The following CLNK variants were observed in gnomAD, a reference collection of about 807,000 sequenced individuals.
The protein encoded by CLNK is cytokine dependent hematopoietic cell linker.
A neutral mutation model predicts 68.6 loss-of-function variants in CLNK; 74 were observed. The ratio of observed to expected loss-of-function variants is 1.08; its 90% confidence interval spans 0.89 to 1.31. The LOEUF is 1.31. Ranked by LOEUF, CLNK falls within the 50% of genes most tolerant of loss-of-function variation. The pLI, the probability that CLNK is intolerant of heterozygous loss-of-function variation, is 0.00. For synonymous variants in CLNK, 198 were observed against 172.2 expected, an observed-to-expected ratio of 1.15 and a Z score of -1.17; for missense variants, 553 against 515.3, an observed-to-expected ratio of 1.07 and a Z score of -0.71.
chr4:10,557,100 T>C (rs1719704215), intron 8 of CLNK, among the ~76,000 whole-genome samples: 1 of 151,050 alleles, frequency 6.6e-6, no homozygotes, highest in African/African-American at 2.4e-5. Context: ...AATAAATAAA[T>C]AAATAAATAA....
the CLNK span, among the ~76,000 whole-genome samples, chr4:10,727,266 A>G: frequency 6.9e-3 from 1,058 of 152,336 alleles, 6 homozygotes; most frequent in Non-Finnish European, 0.013. Context: ...GGACATGAGT[A>G]GGAGGTTAAA....
chr4:10,704,650 G>A, the CLNK span, among the ~76,000 whole-genome samples: 3 of 152,100 alleles, frequency 2.0e-5, no homozygotes, highest in Non-Finnish European at 2.9e-5. Flanking sequence ...GGACATGGCA[G>A]CTCTGCCCAA....
chr4:10,723,710 C>T, the CLNK span, among the ~76,000 whole-genome samples: 2 of 152,006 alleles, frequency 1.3e-5, no homozygotes, highest in African/African-American at 2.4e-5. Context: ...CATGCCTACC[C>T]CACACCATAT....
At chr4:10,691,037 A>C in the CLNK span, among the ~76,000 whole-genome samples, 1 of 152,154 alleles carries the variant, frequency 6.6e-6, no homozygotes, top group Non-Finnish European at 1.5e-5. Flanking sequence ...TGCAGAGGTG[A>C]AGTTTGAGCT....
At chr4:10,516,551 C>CT (rs11322271) in intron 15 of CLNK, among the ~76,000 whole-genome samples, 14 of 132,426 alleles carry the variant, frequency 1.1e-4, no homozygotes, top group South Asian at 2.4e-4. Context: ...AGGATTGTAG[C>CT]TTTTTTTTTT....
intron 1 of CLNK, among the ~76,000 whole-genome samples, chr4:10,682,424 A>G (rs1403511599): frequency 1.3e-5 from 2 of 152,166 alleles, no homozygotes; most frequent in Admixed American, 1.3e-4. Flanking sequence ...ATGTACTAGG[A>G]TTCAGAAAAG....
intron 4 of CLNK, among the ~76,000 whole-genome samples, chr4:10,577,584 C>T (rs912616399): frequency 6.6e-6 from 1 of 152,112 alleles, no homozygotes; most frequent in Non-Finnish European, 1.5e-5. Context: ...GAAGTTGTTA[C>T]GCACTTTTTA....
intron 16 of CLNK, among the ~76,000 whole-genome samples, chr4:10,509,152 C>T (rs1351498946): frequency 6.7e-6 from 1 of 149,320 alleles, no homozygotes; most frequent in Non-Finnish European, 1.5e-5. Context: ...ACATGGTTGG[C>T]AAGAGTTAGG....
At chr4:10,678,913 A>T (rs906438701) in intron 1 of CLNK, among the ~76,000 whole-genome samples, 1 of 152,214 alleles carries the variant, frequency 6.6e-6, no homozygotes, top group Non-Finnish European at 1.5e-5. Context: ...AGGAGGAATC[A>T]ATATCGTGAA....
chr4:10,585,608 A>T (rs1332102519), intron 3 of CLNK, among the ~76,000 whole-genome samples: 1 of 152,202 alleles, frequency 6.6e-6, no homozygotes, highest in Non-Finnish European at 1.5e-5. Flanking sequence ...TTCATTGGCC[A>T]ATTAAGCTCC....
intron 2 of CLNK, among the ~76,000 whole-genome samples, chr4:10,610,007 G>A (rs1577165318): frequency 7.9e-6 from 1 of 126,488 alleles, no homozygotes; most frequent in African/African-American, 3.2e-5. Context: ...ATTAAGCCTC[G>A]TTATGTGCCT....
At chr4:10,686,599 T>C (rs1725282991), upstream of CLNK, among the ~76,000 whole-genome samples, 2 of 150,212 alleles carry the variant, frequency 1.3e-5, no homozygotes, top group Non-Finnish European at 3.0e-5. Flanking sequence ...AACTCCAGCC[T>C]CCAGCCTTTT....
At chr4:10,635,940 C>G (rs569545204) in intron 2 of CLNK, 1 of 152,344 alleles carries the variant, frequency 6.6e-6, no homozygotes, top group Admixed American at 6.5e-5. Flanking sequence ...GACGCGTTCT[C>G]TGCAATTTGC....
At chr4:10,502,875 A>T (rs1577090192) in intron 17 of CLNK, among the ~76,000 whole-genome samples, 1 of 152,090 alleles carries the variant, frequency 6.6e-6, no homozygotes, top group East Asian at 1.9e-4. Flanking sequence ...ATTCAGAGTG[A>T]CAGAAGCCAA....
chr4:10,539,303 T>C (rs1439936313), intron 11 of CLNK, among the ~76,000 whole-genome samples: 14 of 152,160 alleles, frequency 9.2e-5, no homozygotes, highest in Non-Finnish European at 5.9e-5. Context: ...GAGGAAATGG[T>C]GAAGAGACAT....
chr4:10,586,303 T>G (rs558996689), intron 3 of CLNK, among the ~76,000 whole-genome samples: 41 of 151,960 alleles, frequency 2.7e-4, no homozygotes, highest in African/African-American at 9.2e-4. Flanking sequence ...ATTTATCATT[T>G]TAAACCTCAT....
chr4:10,693,851 T>A, the CLNK span, among the ~76,000 whole-genome samples: 3 of 152,190 alleles, frequency 2.0e-5, no homozygotes, highest in East Asian at 3.8e-4. Context: ...TGAGATTTCT[T>A]AGGGATGCAT....
chr4:10,565,186 C>T (rs1720057290), intron 6 of CLNK, among the ~76,000 whole-genome samples: 1 of 152,124 alleles, frequency 6.6e-6, no homozygotes, highest in African/African-American at 2.4e-5. Context: ...TAGATTGCAC[C>T]TTCCTGAGGG....
intron 4 of CLNK, among the ~76,000 whole-genome samples, chr4:10,582,577 T>G (rs1178668597): frequency 6.6e-6 from 1 of 152,094 alleles, no homozygotes; most frequent in South Asian, 2.1e-4. Flanking sequence ...GTTTATTTTA[T>G]GGAAAGCATT....
Sources: allele counts gnomAD v4.1 joint callset (sites outside exome capture counted in the v4.1 genomes callset), GRCh38; gene constraint gnomAD v4.1.1; transcripts MANE v1.5; gene names NCBI Gene and HGNC (gene_info 2026-07-23, HGNC 2026-07-21).